The following DLG2 variants were observed in gnomAD, a reference collection of about 807,000 sequenced individuals.
DLG2 encodes the protein disks large homolog 2.
In DLG2, 45 loss-of-function variants were observed where a neutral mutation model predicts 132.5. The observed-to-expected ratio is 0.34, with a 90% CI of 0.27 to 0.44. The LOEUF (loss-of-function observed/expected upper bound fraction) is 0.44. Among genes scored for constraint, DLG2 ranks in the 20% least tolerant of loss-of-function variants. DLG2 has a pLI of 1.00. For synonymous variants in DLG2, 424 were observed against 419.6 expected (o/e 1.01, Z -0.13); for missense variants, 1,045 against 1,196.9 (o/e 0.87, Z 1.87).
At chr11:85,501,860 C>G (rs1035901313) in intron 3 of DLG2, among the ~76,000 whole-genome samples, 1 of 152,106 alleles carries the variant, frequency 6.6e-6, no homozygotes, top group Non-Finnish European at 1.5e-5. Context: ...GACAGTGTGG[C>G]AATTCTGTAA....
chr11:84,658,671 T>G (rs952763323), intron 6 of DLG2, among the ~76,000 whole-genome samples: 1 of 151,878 alleles, frequency 6.6e-6, no homozygotes, highest in African/African-American at 2.4e-5. Flanking sequence ...TTTAAAAGAG[T>G]CGGCACTTCC....
intron 3 of DLG2, among the ~76,000 whole-genome samples, chr11:85,548,236 G>A (rs567827271): frequency 6.6e-6 from 1 of 152,286 alleles, no homozygotes; most frequent in South Asian, 2.1e-4. Context: ...CCTTCTGACA[G>A]TCAGGCCCCT....
intron 4 of DLG2, among the ~76,000 whole-genome samples, chr11:85,208,210 G>T (rs994660275): frequency 1.2e-4 from 18 of 152,050 alleles, no homozygotes; most frequent in African/African-American, 4.1e-4. Context: ...CAACAAAGCA[G>T]GAATGGAAGC....
intron 6 of DLG2, among the ~76,000 whole-genome samples, chr11:84,909,178 C>G (rs2091839539): frequency 6.6e-6 from 1 of 152,172 alleles, no homozygotes; most frequent in South Asian, 2.1e-4. Flanking sequence ...TGAGGTTTCT[C>G]TCTGTTCCTG....
chr11:84,514,959 CT>C (rs1331272681), intron 7 of DLG2, among the ~76,000 whole-genome samples: 13 of 150,936 alleles, frequency 8.6e-5, no homozygotes, highest in African/African-American at 3.2e-4. Flanking sequence ...CCCAGAAAAA[CT>C]AAAAATAAAA....
intron 7 of DLG2, among the ~76,000 whole-genome samples, chr11:84,271,192 A>C (rs1006013458): frequency 3.9e-5 from 6 of 152,240 alleles, no homozygotes; most frequent in Admixed American, 3.3e-4. Context: ...TGATATAATC[A>C]TATGTTTAAT....
intron 18 of DLG2, among the ~76,000 whole-genome samples, chr11:83,741,984 G>A (rs573747612): frequency 4.6e-5 from 7 of 152,238 alleles, no homozygotes; most frequent in African/African-American, 1.7e-4. Flanking sequence ...ACTGTATTTT[G>A]GAAGCTCAAC....
chr11:85,116,672 A>G lies in DLG2; in HGVS notation c.283-4937T>C, dbSNP rs140517982. Among the ~76,000 whole-genome samples the G allele has an allele frequency of 4.1e-3, 623 of 152,142 alleles. 6 individuals carry two copies. Among genetic ancestry groups the G allele is most frequent in the African/African-American group, 0.012 (515 of 41,558 alleles). ...GCCATGTGCTAATGTAAAATACATT[A>G]TAGGTGGAAATATGTGCACAAAATG... On this transcript the variant is annotated intron_variant, in intron 5 of 27. Transcript: ENST00000376104.
chr11:85,498,840 G>A (rs1294883736), intron 3 of DLG2, among the ~76,000 whole-genome samples: 1 of 152,150 alleles, frequency 6.6e-6, no homozygotes, highest in Non-Finnish European at 1.5e-5. Flanking sequence ...GCTCCAGAAT[G>A]ACTACTGGGT....
intron 6 of DLG2, among the ~76,000 whole-genome samples, chr11:84,935,523 C>G (rs561376730): frequency 4.8e-4 from 73 of 152,320 alleles, no homozygotes; most frequent in South Asian, 8.3e-4. Context: ...CTCTTCAACA[C>G]AGGACCCTCC....
At chr11:85,624,744 A>G (rs2153280442) in intron 2 of DLG2, among the ~76,000 whole-genome samples, 1 of 152,322 alleles carries the variant, frequency 6.6e-6, no homozygotes, top group East Asian at 1.9e-4. Context: ...TCAGTTTATA[A>G]GGAAAATATA....
At position 83,985,966 on chromosome 11, in the gene DLG2, A is replaced by G. The variant is rs118094401; in HGVS notation, c.920-5324T>C. Among the ~76,000 whole-genome samples, 151 of 152,172 alleles carry G rather than the reference A, an allele frequency of 9.9e-4. 1 individual carries two copies. The East Asian group carries it at 0.022, about 22-fold the overall frequency. ...AATGATTGAACAAATTTATATTCCC[A>G]TCAACAGTGTAAAAGCATTCCTTTT... On this transcript the variant is annotated intron_variant, in intron 11 of 27. Coordinates refer to ENST00000376104, the MANE Select transcript of DLG2 (RefSeq NM_001142699.3).
intron 7 of DLG2, among the ~76,000 whole-genome samples, chr11:84,379,933 A>G (rs2098743408): frequency 6.6e-6 from 1 of 152,104 alleles, no homozygotes; most frequent in East Asian, 1.9e-4. Flanking sequence ...CATACAGAAC[A>G]GACTTTAAAA....
At chr11:85,009,196 T>A (rs937210156) in intron 6 of DLG2, among the ~76,000 whole-genome samples, 3 of 152,082 alleles carry the variant, frequency 2.0e-5, no homozygotes, top group African/African-American at 7.2e-5. Flanking sequence ...AATGCTTGTA[T>A]AAGACCTATT....
chr11:85,568,241 C>G (rs1164873953), intron 3 of DLG2, among the ~76,000 whole-genome samples: 1 of 152,002 alleles, frequency 6.6e-6, no homozygotes, highest in African/African-American at 2.4e-5. Context: ...TCATGAACTC[C>G]TGACCTCAGG....
At chr11:83,903,899 T>C (rs1914202) in intron 15 of DLG2, among the ~76,000 whole-genome samples, 44,188 of 152,004 alleles carry the variant, frequency 0.29, 7,051 homozygotes, top group African/African-American at 0.41. Context: ...TAATGGACCC[T>C]ACAAATACTG....
intron 7 of DLG2, among the ~76,000 whole-genome samples, chr11:84,399,591 T>C (rs1193255060): frequency 2.6e-5 from 4 of 151,960 alleles, no homozygotes; most frequent in Non-Finnish European, 5.9e-5. Context: ...AATTTTTGTA[T>C]TTTTTAGTAG....
At chr11:83,584,705 A>T (rs544415128) in intron 19 of DLG2, among the ~76,000 whole-genome samples, 78 of 152,358 alleles carry the variant, frequency 5.1e-4, no homozygotes, top group African/African-American at 1.8e-3. Context: ...AGCCATTGCC[A>T]TTCCACAGAA....
At chr11:83,857,514 A>T (rs2154041166) in intron 16 of DLG2, among the ~76,000 whole-genome samples, 1 of 152,286 alleles carries the variant, frequency 6.6e-6, no homozygotes, top group South Asian at 2.1e-4. Context: ...TAACAAGAAG[A>T]TCATCCCCAA....
Sources: allele counts gnomAD v4.1 joint callset (sites outside exome capture counted in the v4.1 genomes callset), GRCh38; gene constraint gnomAD v4.1.1; transcripts MANE v1.5; gene names NCBI Gene and HGNC (gene_info 2026-07-23, HGNC 2026-07-21).